The following HVCN1 variants were observed in gnomAD, a reference collection of about 807,000 sequenced individuals.
HVCN1 encodes the protein voltage-gated hydrogen channel 1.
In HVCN1, 14 loss-of-function variants were observed where a neutral mutation model predicts 29.2. That is an observed-to-expected ratio of 0.48 (90% CI 0.32 to 0.75). The LOEUF (loss-of-function observed/expected upper bound fraction) is 0.75. Among genes scored for constraint, HVCN1 ranks in the 30% least tolerant of loss-of-function variants. The pLI is 0.04. For synonymous variants in HVCN1, 131 were observed against 133.2 expected, an observed-to-expected ratio of 0.98 and a Z score of 0.11; for missense variants, 263 against 341.8, an observed-to-expected ratio of 0.77 and a Z score of 1.82.
intron 2 of HVCN1, among the ~76,000 whole-genome samples, chr12:110,685,801 C>T (rs1171906183): frequency 6.6e-6 from 1 of 151,940 alleles, no homozygotes; most frequent in Non-Finnish European, 1.5e-5. Context: ...GCGATCCTCC[C>T]ACCTCAACCT....
At chr12:110,670,372 C>T (rs1289141697) in intron 3 of HVCN1, among the ~76,000 whole-genome samples, 1 of 152,194 alleles carries the variant, frequency 6.6e-6, no homozygotes, top group East Asian at 1.9e-4. Flanking sequence ...CCTGTTCCCT[C>T]CCAGAGCTAT....
chr12:110,699,668 T>A (rs1344658176), intron 2 of HVCN1, among the ~76,000 whole-genome samples: 1 of 151,980 alleles, frequency 6.6e-6, no homozygotes, highest in Non-Finnish European at 1.5e-5. Context: ...CCAGTGATGA[T>A]GATAACGGGG....
At chr12:110,683,123 C>A (rs2069045502) in intron 3 of HVCN1, 102 bp downstream of exon 3, 1 of 1,461,020 alleles carries the variant, frequency 6.8e-7, no homozygotes, top group Non-Finnish European at 9.6e-7. Context: ...AGTGGAAACA[C>A]CTGAACAGGG....
At chr12:110,649,499 T>C in intron 7 of HVCN1, 24 bp from the exon 8 acceptor site, 1 of 1,570,818 alleles carries the variant, frequency 6.4e-7, no homozygotes, top group Admixed American at 1.7e-5. Flanking sequence ...AGACAAACAC[T>C]GGAATTTACT....
At chr12:110,701,577 C>T (rs2069564288) in intron 2 of HVCN1, among the ~76,000 whole-genome samples, 1 of 152,176 alleles carries the variant, frequency 6.6e-6, no homozygotes, top group Non-Finnish European at 1.5e-5. Context: ...GGTCCCTGAG[C>T]TGGGCGAGGT....
chr12:110,679,344 G>A (rs895353221), intron 3 of HVCN1, among the ~76,000 whole-genome samples: 4 of 152,222 alleles, frequency 2.6e-5, no homozygotes, highest in African/African-American at 9.6e-5. Flanking sequence ...TGGCTCTTAA[G>A]TTCCCCAGAG....
At chr12:110,669,866 A>AC (rs1361397790) in intron 3 of HVCN1, among the ~76,000 whole-genome samples, 2 of 151,752 alleles carry the variant, frequency 1.3e-5, no homozygotes, top group African/African-American at 4.8e-5. Flanking sequence ...GACCAGCCTG[A>AC]CCAACAGGGT....
At chr12:110,693,632 G>C (rs1246393882), upstream of HVCN1, among the ~76,000 whole-genome samples, 2 of 151,820 alleles carry the variant, frequency 1.3e-5, no homozygotes, top group South Asian at 2.1e-4. Context: ...ATAGTTATTG[G>C]AGATATCTCA....
intron 2 of HVCN1, among the ~76,000 whole-genome samples, chr12:110,700,638 G>C (rs1214744439): frequency 3.9e-5 from 6 of 152,048 alleles, no homozygotes; most frequent in Admixed American, 3.9e-4. Flanking sequence ...TGTTGTCCAG[G>C]CTGGAGTGCA....
intron 1 of HVCN1, chr12:110,704,787 C>G (rs1452815682): frequency 6.6e-6 from 1 of 152,270 alleles, no homozygotes; most frequent in Non-Finnish European, 1.5e-5. Context: ...CCCCAGGTAT[C>G]CCCCTGGGCT....
intron 4 of HVCN1, among the ~76,000 whole-genome samples, chr12:110,657,240 T>G (rs1163331881): frequency 6.6e-6 from 1 of 152,160 alleles, no homozygotes; most frequent in African/African-American, 2.4e-5. Flanking sequence ...ATGCCTGTAA[T>G]CCCAGCACTT....
chr12:110,664,724 G>A (rs540199073), intron 3 of HVCN1, among the ~76,000 whole-genome samples: 1 of 152,274 alleles, frequency 6.6e-6, no homozygotes, highest in Non-Finnish European at 1.5e-5. Context: ...TTGTGAATCT[G>A]CTTGGCAATG....
chr12:110,667,825 G>A (rs761672044), intron 3 of HVCN1, among the ~76,000 whole-genome samples: 9 of 152,168 alleles, frequency 5.9e-5, no homozygotes, highest in South Asian at 4.1e-4. Flanking sequence ...TGCAAAAACC[G>A]CATTTATATT....
intron 3 of HVCN1, among the ~76,000 whole-genome samples, chr12:110,663,704 A>G (rs149898376): frequency 1.3e-5 from 2 of 152,236 alleles, no homozygotes; most frequent in African/African-American, 4.8e-5. Flanking sequence ...CAGCAGTTAA[A>G]ATGAATTAAC....
intron 3 of HVCN1, among the ~76,000 whole-genome samples, chr12:110,679,771 T>C (rs1422506511): frequency 6.6e-6 from 1 of 150,862 alleles, no homozygotes; most frequent in Non-Finnish European, 1.5e-5. Context: ...GAGAATGGCG[T>C]GAACCCGGGA....
In HVCN1 at chr12:110,648,742, G is replaced by A. The variant is rs1186629857; in HGVS notation, c.*668C>T. ...AGCTTGCTCTCCGACTGGCAGGCTG[G>A]TATGGGTGCCACAGAGGAAAGAATA... On this transcript the variant is annotated 3_prime_UTR_variant, in exon 8 of 8. Coordinates refer to ENST00000242607, the MANE Select transcript of HVCN1 (RefSeq NM_032369.4). 2.7e-5 allele frequency: 7 copies of A among 259,346 alleles called. No homozygotes were observed. The highest frequency in any genetic ancestry group is 5.2e-5 in the Non-Finnish European group (7 of 134,526). The allele number at this position is 259,346 out of a possible 1,614,324, so 16.1% of individuals were successfully genotyped here.
intron 3 of HVCN1, among the ~76,000 whole-genome samples, chr12:110,672,741 G>A (rs1205903198): frequency 1.3e-5 from 2 of 152,170 alleles, no homozygotes; most frequent in African/African-American, 4.8e-5. Context: ...TCTTTCCCAT[G>A]TGATTCTCAT....
chr12:110,689,742 C>G (rs1566068130), upstream of HVCN1: 1 of 152,434 alleles, frequency 6.6e-6, no homozygotes, highest in African/African-American at 2.4e-5. The surrounding 1 kb of genome is among the most constrained non-coding windows in gnomAD (Gnocchi z 5.7). Context: ...CAGCCCCTGC[C>G]TGTCCTGGGC....
At chr12:110,657,775 G>C (rs1310230922) in intron 4 of HVCN1, among the ~76,000 whole-genome samples, 1 of 152,140 alleles carries the variant, frequency 6.6e-6, no homozygotes, top group Admixed American at 6.5e-5. Flanking sequence ...AGGGAGTGTT[G>C]CTTCTTAGGG....
Sources: gnomAD v4.1 joint callset for allele counts (sites outside exome capture counted in the v4.1 genomes callset) on GRCh38, gnomAD v4.1.1 for gene constraint, Gnocchi (gnomAD v3.1) non-coding constraint, MANE v1.5 for transcripts, NCBI Gene and HGNC (gene_info 2026-07-23, HGNC 2026-07-21) for gene names.